The following TMEM132B variants were observed in gnomAD, a reference collection of about 807,000 sequenced individuals.
TMEM132B encodes the protein transmembrane protein 132B.
Under a neutral mutation model 90.8 loss-of-function variants are expected in TMEM132B, and 18 were observed. That is an observed-to-expected ratio of 0.20 (90% CI 0.14 to 0.29). The LOEUF (loss-of-function observed/expected upper bound fraction) is 0.29, where lower values mean the gene tolerates loss of function less well. TMEM132B is among the 10% of genes least tolerant of loss of function. The probability of loss-of-function intolerance (pLI) is 1.00; values close to 1 mark genes in which losing one functional copy is unlikely to be tolerated. For missense variants in TMEM132B, 1,096 were observed against 1,326.8 expected (o/e 0.83, Z 2.70); for synonymous variants, 504 against 523.3 (o/e 0.96, Z 0.50).
intron 3 of TMEM132B, among the ~76,000 whole-genome samples, chr12:125,438,529 T>G (rs763482507): frequency 5.9e-5 from 9 of 152,236 alleles, no homozygotes; most frequent in African/African-American, 1.7e-4. Context: ...CAAGCATACT[T>G]AAAACTGTAG....
chr12:125,288,998 C>T (rs7959744), intron 1 of TMEM132B, among the ~76,000 whole-genome samples: 6 of 151,978 alleles, frequency 3.9e-5, no homozygotes, highest in Admixed American at 1.3e-4. Context: ...GGGGTTGGCT[C>T]GTAGGCAACG....
At chr12:125,200,169 C>A (rs113136367) in intron 1 of TMEM132B, among the ~76,000 whole-genome samples, 14 of 152,208 alleles carry the variant, frequency 9.2e-5, no homozygotes, top group African/African-American at 3.4e-4. Context: ...AAGGTGGGGG[C>A]TGGGGACATG....
intron 3 of TMEM132B, among the ~76,000 whole-genome samples, chr12:125,499,020 G>A (rs1882627303): frequency 6.6e-6 from 1 of 152,166 alleles, no homozygotes; most frequent in South Asian, 2.1e-4. Context: ...AACATTAATT[G>A]AGCCAATTCA....
In TMEM132B at chr12:125,649,212, G is replaced by A. The variant is rs548687709; in HGVS notation, c.1644-1471G>A. 1.6e-3 allele frequency among the ~76,000 whole-genome samples: 243 copies of A among 152,252 alleles called. 3 individuals are homozygous for A. Among genetic ancestry groups the A allele is most frequent in the African/African-American group, 5.5e-3 (230 of 41,554 alleles). ...TGGTTCTCAGACCTTTCAGGGAGGC[G>A]GAATGTCATATAGTAAAGAAGGTGG... is the stretch of plus-strand genomic sequence containing the variant. On this transcript the variant is annotated intron_variant, in intron 6 of 8. Transcript: ENST00000682704.
rs556543644 is a variant in TMEM132B at position 125,209,233 on chromosome 12, C to T, written c.67+22367C>T. ...CCTGAGCCTGGGTGCACACGAGGGCCGCTCTCTTTCTGTAAATGAATGTTG... is the reference window on the plus strand; with the variant it reads ...CCTGAGCCTGGGTGCACACGAGGGCTGCTCTCTTTCTGTAAATGAATGTTG... On this transcript the variant is annotated intron_variant, in intron 1 of 8. Coordinates refer to ENST00000682704, the MANE Select transcript of TMEM132B (RefSeq NM_001366854.1). This position sits in a 1 kb window ranked among gnomAD's most constrained non-coding sequence, Gnocchi z 4.4. Among the ~76,000 whole-genome samples, 4 of 152,296 alleles carry T rather than the reference C, an allele frequency of 2.6e-5. No individual in the cohort carries two copies. Among genetic ancestry groups the T allele is most frequent in the African/African-American group, 4.8e-5 (2 of 41,548 alleles).
intron 1 of TMEM132B, among the ~76,000 whole-genome samples, chr12:125,308,654 TAAAA>T (rs1010683977): frequency 2.6e-5 from 4 of 152,048 alleles, no homozygotes; most frequent in Admixed American, 2.6e-4. Context: ...TTTTGAGGAA[TAAAA>T]AAAGTGAAAA....
chr12:125,480,543 C>T (rs1882011456), intron 3 of TMEM132B, among the ~76,000 whole-genome samples: 1 of 152,180 alleles, frequency 6.6e-6, no homozygotes, highest in South Asian at 2.1e-4. Context: ...CATACACCCT[C>T]CCAAGACTAA....
intron 1 of TMEM132B, among the ~76,000 whole-genome samples, chr12:125,202,688 G>A (rs1231229908): frequency 6.6e-6 from 1 of 152,232 alleles, no homozygotes; most frequent in Non-Finnish European, 1.5e-5. Context: ...CTATCAGTTA[G>A]AGGGAAGTTA....
chr12:125,426,311 A>T (rs1325008061), intron 3 of TMEM132B, among the ~76,000 whole-genome samples: 2 of 151,340 alleles, frequency 1.3e-5, no homozygotes, highest in Non-Finnish European at 2.9e-5. Context: ...TTTTTTTATT[A>T]TATGTTTTGC....
At chr12:125,187,224 G>T (rs1957765444) in intron 1 of TMEM132B, among the ~76,000 whole-genome samples, 1 of 152,192 alleles carries the variant, frequency 6.6e-6, no homozygotes, top group South Asian at 2.1e-4. Context: ...GTTCCTCCAG[G>T]GGTTTTGCTG....
rs890472727 is a variant in TMEM132B, at chr12:125,187,402, T to G, written c.67+536T>G. Among the ~76,000 whole-genome samples the G allele has an allele frequency of 4.1e-5, 6 of 145,324 alleles. No homozygotes were observed. In the South Asian group the frequency reaches 7.1e-4, roughly 17 times the overall value. ...GCCCTCCCCTGCTTTCACACTGCCC[T>G]CCCCAAGCTACCCACCCTCGCCAAA... On this transcript the variant is annotated intron_variant, in intron 1 of 8. Transcript: ENST00000682704.
rs559911170 is a variant in TMEM132B, at chr12:125,482,805, T to C, written c.1107-36634T>C. On this transcript the variant is annotated intron_variant, in intron 3 of 8. Coordinates refer to ENST00000682704, the MANE Select transcript of TMEM132B (RefSeq NM_001366854.1). ...GAAGACACATGCACAAGTATGTTTA[T>C]TGCGGCACTATTCACAATAGCAAAG... Among the ~76,000 whole-genome samples the C allele has an allele frequency of 1.2e-4, 19 of 152,308 alleles. No individual in the cohort carries two copies. In the South Asian group the frequency reaches 2.1e-3, roughly 17 times the overall value.
At chr12:125,427,237 C>T (rs1276768966) in intron 3 of TMEM132B, among the ~76,000 whole-genome samples, 1 of 152,170 alleles carries the variant, frequency 6.6e-6, no homozygotes, top group African/African-American at 2.4e-5. Flanking sequence ...TTTCAGGATT[C>T]ATTGGAAGCA....
intron 1 of TMEM132B, among the ~76,000 whole-genome samples, chr12:125,289,003 G>C (rs1016463854): frequency 2.6e-5 from 4 of 152,196 alleles, no homozygotes; most frequent in African/African-American, 7.2e-5. Flanking sequence ...TGGCTCGTAG[G>C]CAACGCTGAG....
chr12:125,378,735 T>C (rs1252517130), intron 2 of TMEM132B, among the ~76,000 whole-genome samples: 4 of 151,986 alleles, frequency 2.6e-5, no homozygotes, highest in African/African-American at 9.7e-5. Flanking sequence ...TGGAGGTGAA[T>C]GTATTTAAGT....
intron 4 of TMEM132B, among the ~76,000 whole-genome samples, chr12:125,523,497 C>G (rs1883364521): frequency 6.6e-6 from 1 of 152,166 alleles, no homozygotes; most frequent in Admixed American, 6.5e-5. Context: ...CTCCCCATCT[C>G]AAGATCCCTA....
At chr12:125,205,863 G>A (rs954262079) in intron 1 of TMEM132B, among the ~76,000 whole-genome samples, 3 of 152,230 alleles carry the variant, frequency 2.0e-5, no homozygotes, top group African/African-American at 7.2e-5. Context: ...TCAGAGGAAC[G>A]TCAAAGGATT....
chr12:125,466,720 G>T, intron 3 of TMEM132B, among the ~76,000 whole-genome samples: 1 of 152,210 alleles, frequency 6.6e-6, no homozygotes, highest in Non-Finnish European at 1.5e-5. Flanking sequence ...AATGGCAGAT[G>T]GTCCAGATCC....
At chr12:125,328,821 G>A (rs1348252650) in intron 1 of TMEM132B, among the ~76,000 whole-genome samples, 6 of 152,068 alleles carry the variant, frequency 3.9e-5, no homozygotes, top group Non-Finnish European at 7.4e-5. Context: ...GCCTCTCCTC[G>A]GTACATGTGC....
Sources: gnomAD v4.1 joint callset for allele counts (sites outside exome capture counted in the v4.1 genomes callset) on GRCh38, gnomAD v4.1.1 for gene constraint, Gnocchi (gnomAD v3.1) non-coding constraint, MANE v1.5 for transcripts, NCBI Gene and HGNC (gene_info 2026-07-23, HGNC 2026-07-21) for gene names.